Variants in RNGTT observed in about 807,000 individuals in gnomAD.
RNGTT encodes RNA guanylyltransferase and 5'-phosphatase.
A neutral mutation model predicts 79.3 loss-of-function variants in RNGTT; 33 were observed. The ratio of observed to expected loss-of-function variants is 0.42; its 90% confidence interval spans 0.32 to 0.56. RNGTT has a LOEUF of 0.56. Among genes scored for constraint, RNGTT ranks in the 20% least tolerant of loss-of-function variants. The probability of loss-of-function intolerance (pLI) is 0.17; values close to 1 mark genes in which losing one functional copy is unlikely to be tolerated. For missense variants in RNGTT, 497 were observed against 739.1 expected (o/e 0.67, Z 3.80); for synonymous variants, 222 against 235.9 (o/e 0.94, Z 0.54).
intron 8 of RNGTT, among the ~76,000 whole-genome samples, chr6:88,859,270 C>T (rs957839346): frequency 1.3e-5 from 2 of 151,418 alleles, no homozygotes; most frequent in Non-Finnish European, 2.9e-5. Context: ...AACCATAATG[C>T]AGAATTCAAA....
chr6:88,614,134 G>C, intron 15 of RNGTT, 138 bp downstream of exon 15: 1 of 775,960 alleles, frequency 1.3e-6, no homozygotes, highest in Non-Finnish European at 2.0e-6. Context: ...CAGACTTGAC[G>C]TATCTTTCCC....
At chr6:88,746,312 C>T (rs1777656548) in intron 13 of RNGTT, among the ~76,000 whole-genome samples, 1 of 152,138 alleles carries the variant, frequency 6.6e-6, no homozygotes, top group Non-Finnish European at 1.5e-5. Context: ...CAAGTCAGTC[C>T]CAACACCCAA....
intron 8 of RNGTT, among the ~76,000 whole-genome samples, chr6:88,882,518 GA>G (rs1296387238): frequency 1.3e-5 from 2 of 152,028 alleles, no homozygotes; most frequent in African/African-American, 4.8e-5. Flanking sequence ...AATGTAACAA[GA>G]AATAATTTTC....
chr6:88,795,068 T>C lies in RNGTT; in HGVS notation c.1338+6496A>G, dbSNP rs117976135. Among the ~76,000 whole-genome samples, 559 of 152,342 alleles carry C rather than the reference T, an allele frequency of 3.7e-3. 3 individuals are homozygous for C. The highest frequency in any genetic ancestry group is 4.5e-3 in the Non-Finnish European group (305 of 68,032). On this transcript the variant is annotated intron_variant, in intron 12 of 15. Coordinates refer to ENST00000369485, the MANE Select transcript of RNGTT (RefSeq NM_003800.5). ...AAAGATCTAATTCTAGACAAAGGTG[T>C]ATCACTTCTGACCAAGCTGCTATAA...
intron 11 of RNGTT, among the ~76,000 whole-genome samples, chr6:88,836,001 CACACACACACACACACACACACAT>C (rs1441829308): frequency 2.5e-5 from 3 of 120,806 alleles, no homozygotes; most frequent in African/African-American, 5.8e-5. Context: ...CACACACACA[CACACACACACACACACACACACAT>C]ATATATATAA....
At chr6:88,899,734 C>G (rs958470199) in intron 6 of RNGTT, among the ~76,000 whole-genome samples, 3 of 152,314 alleles carry the variant, frequency 2.0e-5, no homozygotes, top group African/African-American at 7.2e-5. Flanking sequence ...TCTTCTACAG[C>G]TTTTCCTTTC....
chr6:88,779,302 C>T (rs1778986043), intron 12 of RNGTT, among the ~76,000 whole-genome samples: 1 of 152,148 alleles, frequency 6.6e-6, no homozygotes, highest in South Asian at 2.1e-4. Flanking sequence ...CCTTTAGTTC[C>T]GTTTCCTACT....
chr6:88,846,651 T>A (rs989802990), intron 10 of RNGTT, among the ~76,000 whole-genome samples: 7 of 151,896 alleles, frequency 4.6e-5, no homozygotes, highest in African/African-American at 1.7e-4. Flanking sequence ...TCCCAGCTAC[T>A]CGGAAGGCTG....
intron 13 of RNGTT, among the ~76,000 whole-genome samples, chr6:88,701,845 AGTT>A (rs149726691): frequency 0.26 from 39,971 of 151,798 alleles, 9,144 homozygotes; most frequent in African/African-American, 0.62. Context: ...TGTTTTAATA[AGTT>A]TGGGCTTCAG....
chr6:88,858,995 CT>C (rs200183870), intron 8 of RNGTT, among the ~76,000 whole-genome samples: 59 of 146,922 alleles, frequency 4.0e-4, no homozygotes, highest in East Asian at 1.4e-3. Flanking sequence ...ATTATGAAAA[CT>C]TTTTTTTTTT....
intron 14 of RNGTT, among the ~76,000 whole-genome samples, chr6:88,642,556 C>T (rs1409268805): frequency 6.6e-6 from 1 of 152,132 alleles, no homozygotes; most frequent in Non-Finnish European, 1.5e-5. Context: ...CCGTGAAATA[C>T]CTGACATTCT....
intron 13 of RNGTT, among the ~76,000 whole-genome samples, chr6:88,731,442 C>T (rs1777112578): frequency 6.6e-6 from 1 of 152,074 alleles, no homozygotes; most frequent in African/African-American, 2.4e-5. Context: ...TCAGATATAA[C>T]ATAAATTATG....
intron 4 of RNGTT, among the ~76,000 whole-genome samples, chr6:88,924,648 GCC>G (rs1784263194): frequency 6.6e-6 from 1 of 151,354 alleles, no homozygotes; most frequent in Admixed American, 6.6e-5. Flanking sequence ...ACATCTTTTT[GCC>G]TCCCTTCTGT....
At chr6:88,790,470 GAA>G (rs1260647386) in intron 12 of RNGTT, among the ~76,000 whole-genome samples, 2 of 152,160 alleles carry the variant, frequency 1.3e-5, no homozygotes, top group African/African-American at 4.8e-5. Context: ...AAGGTTAAGT[GAA>G]AGTTTACCCA....
intron 6 of RNGTT, among the ~76,000 whole-genome samples, chr6:88,903,678 AAACT>A (rs1783549632): frequency 6.6e-6 from 1 of 152,236 alleles, no homozygotes; most frequent in South Asian, 2.1e-4. Context: ...TGGTTTACAT[AAACT>A]AACAAAGCAT....
At chr6:88,841,669 A>G (rs1407069995) in intron 11 of RNGTT, among the ~76,000 whole-genome samples, 2 of 152,234 alleles carry the variant, frequency 1.3e-5, no homozygotes. Context: ...ATTTTAATGT[A>G]AAAGTACTCA....
intron 6 of RNGTT, among the ~76,000 whole-genome samples, chr6:88,901,527 G>A (rs1258368518): frequency 3.1e-5 from 2 of 64,058 alleles, no homozygotes; most frequent in East Asian, 7.8e-4. Flanking sequence ...TTTTTTTTGA[G>A]ATGGAGTCTC....
At chr6:88,904,199 T>C (rs1184403225) in intron 6 of RNGTT, among the ~76,000 whole-genome samples, 1 of 152,146 alleles carries the variant, frequency 6.6e-6, no homozygotes, top group Admixed American at 6.5e-5. Context: ...ATCTAATATC[T>C]AAAGACATAA....
chr6:88,786,193 T>C (rs931935054), intron 12 of RNGTT, among the ~76,000 whole-genome samples: 13 of 152,160 alleles, frequency 8.5e-5, no homozygotes, highest in Non-Finnish European at 1.5e-4. Flanking sequence ...ACAATTCTTG[T>C]CTAGAAACAT....
Sources: gnomAD v4.1 joint callset for allele counts (sites outside exome capture counted in the v4.1 genomes callset) on GRCh38, gnomAD v4.1.1 for gene constraint, MANE v1.5 for transcripts, NCBI Gene and HGNC (gene_info 2026-07-23, HGNC 2026-07-21) for gene names.